Variants in LETM2 observed in about 807,000 individuals in gnomAD.
LETM2 encodes LETM1 domain-containing protein LETM2, mitochondrial.
LETM2 carries 58 observed loss-of-function variants against 59.6 expected under a neutral mutation model. The ratio of observed to expected loss-of-function variants is 0.97; its 90% CI spans 0.79 to 1.21. The LOEUF is 1.21. Among genes scored for constraint, LETM2 ranks in the 50% most tolerant of loss-of-function variants. LETM2 has a pLI of 0.00. For synonymous variants in LETM2, 199 were observed against 214.1 expected, an observed-to-expected ratio of 0.93 and a Z score of 0.62; for missense variants, 572 against 575.7, an observed-to-expected ratio of 0.99 and a Z score of 0.07.
At chr8:38,398,302 T>C (rs1812850275) in intron 4 of LETM2, among the ~76,000 whole-genome samples, 1 of 152,218 alleles carries the variant, frequency 6.6e-6, no homozygotes, top group Admixed American at 6.5e-5. Context: ...TATTAGTGAA[T>C]TCAGGAAGAT....
rs1304512651 is a variant in LETM2, at chr8:38,409,086, G to GCTAC, written c.*814_*817dup. On this transcript the variant is annotated 3_prime_UTR_variant, in exon 11 of 11. Coordinates refer to ENST00000379957, the MANE Select transcript of LETM2 (RefSeq NM_001286819.2). Reference sequence around the variant, plus strand: ...TGTGAAAGTCTGATATAATCCCTGTGCTACCCAGCAACAAGTATTACATTA... The same window carrying GCTAC: ...TGTGAAAGTCTGATATAATCCCTGTGCTACCTACCCAGCAACAAGTATTACATTA... The GCTAC allele has an allele frequency of 2.6e-5, 4 of 152,160 alleles. No homozygotes were observed. The highest frequency in any genetic ancestry group is 9.7e-5 in the African/African-American group (4 of 41,428). 9.4% of individuals were successfully genotyped at this position (152,160 alleles called of 1,614,324 possible). A position where few individuals can be genotyped will look rare whatever the true frequency, so the allele number is the denominator to read the frequency against.
At chr8:38,397,288 G>A (rs964446128) in intron 4 of LETM2, among the ~76,000 whole-genome samples, 5 of 151,724 alleles carry the variant, frequency 3.3e-5, no homozygotes, top group Non-Finnish European at 5.9e-5. Flanking sequence ...GCAATTCTCC[G>A]GCCTCAGCCT....
intron 2 of LETM2, among the ~76,000 whole-genome samples, chr8:38,390,394 G>A (rs1178448572): frequency 1.3e-5 from 2 of 151,862 alleles, no homozygotes; most frequent in African/African-American, 2.4e-5. Flanking sequence ...GGCCAAGGCA[G>A]GCAGATCACT....
rs779078225 is a variant in LETM2 at position 38,402,552 on chromosome 8, T to C, written c.1012T>C (p.Leu338=). ...AATTGCCAAGGAAGGGGTGACAGCATTGAGTGTATCAGAACTACAGGCTGC... is the reference window on the plus strand; with the variant it reads ...AATTGCCAAGGAAGGGGTGACAGCACTGAGTGTATCAGAACTACAGGCTGC... ...EIIAKEGVTA[L]SVSELQAACR... Residue 338 remains leucine (L), a synonymous_variant, in exon 7 of 11, where the codon TTG becomes CTG. Coordinates refer to ENST00000379957, the MANE Select transcript of LETM2 (RefSeq NM_001286819.2). The C allele has an allele frequency of 1.2e-6, 2 of 1,613,946 alleles. No individual in the cohort carries two copies. Among genetic ancestry groups the C allele is most frequent in the South Asian group, 1.1e-5 (1 of 91,074 alleles).
At chr8:38,407,735 G>A (rs1016342603) in intron 10 of LETM2, among the ~76,000 whole-genome samples, 2 of 152,270 alleles carry the variant, frequency 1.3e-5, no homozygotes, top group East Asian at 1.9e-4. Flanking sequence ...TTATGTGCCA[G>A]GTGGAAATAG....
chr8:38,409,460 G>A lies in LETM2; in HGVS notation c.*1186G>A, dbSNP rs987832834. On this transcript the variant is annotated 3_prime_UTR_variant, in exon 11 of 11. Transcript: ENST00000379957. ...TCTTTGGGAATGATGAATCCCTACTGTGCACATACAGCAATCATGGATCCT... is the reference window on the plus strand; with the variant it reads ...TCTTTGGGAATGATGAATCCCTACTATGCACATACAGCAATCATGGATCCT... 1.1e-4 allele frequency: 16 copies of A among 152,302 alleles called. 1 individual carries two copies. The South Asian group carries it at 2.1e-3, about 20-fold the overall frequency. 9.4% of individuals were successfully genotyped at this position (152,302 alleles called of 1,614,324 possible).
Position 38,402,625 on chromosome 8 carries a change from TG to T in LETM2, c.1086del (p.Arg363AspfsTer12). 1 of 1,614,176 alleles carries T rather than the reference TG, an allele frequency of 6.2e-7. No individual in the cohort carries two copies. Among genetic ancestry groups the T allele is most frequent in the East Asian group, 2.2e-5 (1 of 44,884 alleles). On this transcript the variant is annotated frameshift_variant, in exon 7 of 11. Transcript: ENST00000379957. LOFTEE classifies it high-confidence loss of function. ...TCACTGGGTCTCACGGAGGAACAACTGCGACAACAGCTCACGGAGGCAAGTA... is the reference window on the plus strand; with the variant it reads ...TCACTGGGTCTCACGGAGGAACAACTCGACAACAGCTCACGGAGGCAAGTA... ...MRSLGLTEEQ[L>X]RQQLTEWQDL...
rs1563401916 is a variant in LETM2 at position 38,407,482 on chromosome 8, TGAAAA to T, written c.1413+20_1413+24del. 6.7e-7 allele frequency: 1 copy of T among 1,499,592 alleles called. No individual in the cohort carries two copies. The highest frequency in any genetic ancestry group is 9.3e-7 in the Non-Finnish European group (1 of 1,077,820). The allele number at this position is 1,499,592 out of a possible 1,614,324, so 92.9% of individuals were successfully genotyped here. ...AGAACCTGTAAGTATCTTTAATAAATGAAAAAGAAAGAGAAGACCCTTTCCCTCTA... is the reference window on the plus strand; with the variant it reads ...AGAACCTGTAAGTATCTTTAATAAATAGAAAGAGAAGACCCTTTCCCTCTA... On this transcript the variant is annotated intron_variant, in intron 10 of 10. Coordinates refer to ENST00000379957, the MANE Select transcript of LETM2 (RefSeq NM_001286819.2).
At position 38,406,993 on chromosome 8, in the gene LETM2, TAA is replaced by T. The variant is rs754986127; in HGVS notation, c.1268_1269del (p.Lys423ArgfsTer14). 14 of 1,612,478 alleles carry T rather than the reference TAA, an allele frequency of 8.7e-6. No homozygotes were observed. The South Asian group carries it at 1.3e-4, about 15-fold the overall frequency. ...LVELPTFTES[K>X]ENMVDLAPQL... ...TGGAATTACCTACTTTCACTGAATC[TAA>T]AGAGAACATGGTGGATCTTGCACCT... On this transcript the variant is annotated frameshift_variant, in exon 9 of 11. Transcript: ENST00000379957. LOFTEE classifies it high-confidence loss of function.
chr8:38,396,439 C>A (rs1384877191), intron 4 of LETM2, among the ~76,000 whole-genome samples: 1 of 152,200 alleles, frequency 6.6e-6, no homozygotes, highest in East Asian at 1.9e-4. Context: ...GCTGGGATAA[C>A]AGACGTGAGC....
At position 38,408,743 on chromosome 8, in the gene LETM2, A is replaced by G. The variant is rs1813950679; in HGVS notation, c.*469A>G. The G allele has an allele frequency of 1.3e-5, 2 of 154,116 alleles. No homozygotes were observed. Among genetic ancestry groups the G allele is most frequent in the Non-Finnish European group, 2.9e-5 (2 of 69,258 alleles). 9.5% of individuals were successfully genotyped at this position (154,116 alleles called of 1,614,324 possible). ...AGTAGGATCAGCACCCTGGAAACAA[A>G]GTACCTTATGAGATGGGATGGATAT... On this transcript the variant is annotated 3_prime_UTR_variant, in exon 11 of 11. Coordinates refer to ENST00000379957, the MANE Select transcript of LETM2 (RefSeq NM_001286819.2).
At position 38,407,051 on chromosome 8, in the gene LETM2, C is replaced by T. The variant is rs1460715033; in HGVS notation, c.1311+13C>T. On this transcript the variant is annotated intron_variant, in intron 9 of 10. Coordinates refer to ENST00000379957, the MANE Select transcript of LETM2 (RefSeq NM_001286819.2). ...GAAGGGAACTAAGGTTAGACAGTTACTTTCCATTTGGTTAATTAGATTAAA... is the reference window on the plus strand; with the variant it reads ...GAAGGGAACTAAGGTTAGACAGTTATTTTCCATTTGGTTAATTAGATTAAA... The T allele has an allele frequency of 1.3e-6, 2 of 1,530,344 alleles. No homozygotes were observed. Among genetic ancestry groups the T allele is most frequent in the South Asian group, 2.3e-5 (2 of 88,852 alleles). 94.8% of individuals were successfully genotyped at this position (1,530,344 alleles called of 1,614,324 possible).
intron 2 of LETM2, among the ~76,000 whole-genome samples, chr8:38,391,195 AAAACAAAAAAAAAAACC>A (rs1473182355): frequency 4.3e-5 from 6 of 140,926 alleles, no homozygotes; most frequent in African/African-American, 1.6e-4. Flanking sequence ...AAAAAAAAAA[AAAACAAAAAAAAAAACC>A]AAAAAACTGA....
intron 10 of LETM2, 131 bp downstream of exon 10, chr8:38,407,594 A>G: frequency 1.5e-6 from 1 of 654,134 alleles, no homozygotes; most frequent in Non-Finnish European, 2.6e-6. Flanking sequence ...CAAACAGGAA[A>G]TTGTAGGCCA....
At chr8:38,393,980 C>T in intron 3 of LETM2, 118 bp from the exon 4 acceptor site, 1 of 829,754 alleles carries the variant, frequency 1.2e-6, no homozygotes, top group East Asian at 3.0e-5. Flanking sequence ...CATAGTGAGA[C>T]ACTATCTCTT....
Position 38,406,926 on chromosome 8 carries a change from T to A in LETM2, c.1219-20T>A. On this transcript the variant is annotated intron_variant, in intron 8 of 10. Coordinates refer to ENST00000379957, the MANE Select transcript of LETM2 (RefSeq NM_001286819.2). ...GGAAGAGCAGAAAGCTTATGATACATAAAATGTTTATCTCCCCAGGCTCCA... is the reference window on the plus strand; with the variant it reads ...GGAAGAGCAGAAAGCTTATGATACAAAAAATGTTTATCTCCCCAGGCTCCA... The A allele has an allele frequency of 6.6e-7, 1 of 1,526,688 alleles. No individual in the cohort carries two copies. Among genetic ancestry groups the A allele is most frequent in the Non-Finnish European group, 9.1e-7 (1 of 1,102,746 alleles). 94.6% of individuals were successfully genotyped at this position (1,526,688 alleles called of 1,614,324 possible). A position where few individuals can be genotyped will look rare whatever the true frequency, so the allele number is the denominator to read the frequency against.
upstream of LETM2, among the ~76,000 whole-genome samples, chr8:38,383,929 CA>C (rs34110368): frequency 0.035 from 4,274 of 120,996 alleles, 128 homozygotes; most frequent in African/African-American, 0.1. Flanking sequence ...GGCTATGTCT[CA>C]AAAAAAAAAA....
chr8:38,396,301 T>C (rs1439912453), intron 4 of LETM2, among the ~76,000 whole-genome samples: 1 of 151,954 alleles, frequency 6.6e-6, no homozygotes, highest in African/African-American at 2.4e-5. Flanking sequence ...GTAGCTGGGA[T>C]TACAGACATG....
At chr8:38,405,548 C>T (rs1030204701) in intron 8 of LETM2, among the ~76,000 whole-genome samples, 1 of 152,208 alleles carries the variant, frequency 6.6e-6, no homozygotes, top group East Asian at 1.9e-4. Flanking sequence ...TATGAAAACC[C>T]AACTTCAGGA....
Sources: allele counts gnomAD v4.1 joint callset (sites outside exome capture counted in the v4.1 genomes callset), GRCh38; gene constraint gnomAD v4.1.1; transcripts MANE v1.5; gene names NCBI Gene and HGNC (gene_info 2026-07-23, HGNC 2026-07-21).